Variants in BSPH1 observed in about 807,000 individuals in gnomAD.
The protein encoded by BSPH1 is binder of sperm 1.
In BSPH1, 21 loss-of-function variants were observed where a neutral mutation model predicts 22.5. That is an observed-to-expected ratio of 0.93 (90% CI 0.66 to 1.35). The LOEUF (loss-of-function observed/expected upper bound fraction) is 1.35. BSPH1 is among the 40% of genes most tolerant of loss of function. The pLI, the probability that BSPH1 is intolerant of heterozygous loss-of-function variation, is 0.00. For missense variants in BSPH1, 141 were observed against 154.2 expected (o/e 0.91, Z 0.45); for synonymous variants, 42 against 53.6 (o/e 0.78, Z 0.95).
At chr19:47,989,110 T>A (rs1352915279) in intron 1 of BSPH1, among the ~76,000 whole-genome samples, 1 of 138,426 alleles carries the variant, frequency 7.2e-6, no homozygotes, top group Non-Finnish European at 1.5e-5. Context: ...AAGTCACCGT[T>A]TTATTATTAT....
intron 5 of BSPH1, among the ~76,000 whole-genome samples, chr19:47,969,686 A>G (rs370364213): frequency 1.4e-3 from 54 of 37,424 alleles, no homozygotes; most frequent in South Asian, 1.0e-2. Context: ...GGAGAGGGGG[A>G]GAGAGAGAGA....
intron 5 of BSPH1, among the ~76,000 whole-genome samples, chr19:47,970,188 A>G (rs1969299528): frequency 6.6e-6 from 1 of 152,194 alleles, no homozygotes; most frequent in Non-Finnish European, 1.5e-5. Flanking sequence ...CCTCTGGAGT[A>G]GCTGAGATCA....
At chr19:47,970,830 C>T (rs752921213) in intron 5 of BSPH1, among the ~76,000 whole-genome samples, 6 of 152,152 alleles carry the variant, frequency 3.9e-5, no homozygotes, top group Non-Finnish European at 7.3e-5. Flanking sequence ...TGTGCTTCTG[C>T]CTTTAGTCAT....
At chr19:47,982,205 T>C (rs562833250) in intron 1 of BSPH1, among the ~76,000 whole-genome samples, 9 of 152,358 alleles carry the variant, frequency 5.9e-5, no homozygotes, top group African/African-American at 2.2e-4. Flanking sequence ...ATAATGTAAT[T>C]AGCAGATATC....
At chr19:47,969,738 ATG>A (rs891475711) in intron 5 of BSPH1, among the ~76,000 whole-genome samples, 1 of 98,790 alleles carries the variant, frequency 1.0e-5, no homozygotes, top group Non-Finnish European at 2.1e-5. Flanking sequence ...TTTAGAATGT[ATG>A]TGTGTGTGTG....
intron 5 of BSPH1, among the ~76,000 whole-genome samples, chr19:47,969,749 TGAGA>T (rs1021233631): frequency 9.9e-5 from 14 of 141,516 alleles, no homozygotes; most frequent in East Asian, 2.2e-4. Context: ...TGTGTGTGTG[TGAGA>T]GAGAGAGACT....
At chr19:47,977,537 G>C (rs1195599413) in intron 3 of BSPH1, 33 bp from the exon 4 acceptor site, 2 of 1,549,594 alleles carry the variant, frequency 1.3e-6, no homozygotes, top group Admixed American at 3.9e-5. Context: ...TCTGTTTCTG[G>C]GTGTGTTAGG....
In BSPH1 at chr19:47,979,635, C is replaced by T. The variant is rs529063666; in HGVS notation, c.95-36G>A. The T allele has an allele frequency of 6.6e-4, 674 of 1,015,958 alleles. 3 individuals carry two copies. In the Middle Eastern group the frequency reaches 0.01, roughly 15 times the overall value. The allele number at this position is 1,015,958 out of a possible 1,614,324, so 62.9% of individuals were successfully genotyped here. A position where few individuals can be genotyped will look rare whatever the true frequency, so the allele number is the denominator to read the frequency against. On this transcript the variant is annotated intron_variant, in intron 2 of 5. Transcript: ENST00000344839. The stretch of plus-strand genomic sequence containing the variant: ...AAATTTAGAGCTGACATTTATTTCA[C>T]TATTATTAGGCTTTAAAATGGGCTC...
At chr19:47,979,137 C>A (rs1673281804) in intron 3 of BSPH1, among the ~76,000 whole-genome samples, 1 of 151,944 alleles carries the variant, frequency 6.6e-6, no homozygotes, top group African/African-American at 2.4e-5. Context: ...TTCTCCTCCT[C>A]CTTCTTCTTC....
Position 47,989,114 on chromosome 19 carries a change from TTATTATTATTA to T in BSPH1, c.73+2884_73+2894del, listed in dbSNP as rs1568399768. On this transcript the variant is annotated intron_variant, in intron 1 of 5. Transcript: ENST00000344839. ...GCAAACCTATCAAGTCACCGTTTTA[TTATTATTATTA>T]TTATTATTATTATTATTATTATTAT... Among the ~76,000 whole-genome samples the T allele has an allele frequency of 2.3e-3, 71 of 30,876 alleles. 1 individual carries two copies. The highest frequency in any genetic ancestry group is 3.1e-3 in the Admixed American group (8 of 2,594). 20.3% of individuals were successfully genotyped at this position (30,876 alleles called of 152,430 possible). A position where few individuals can be genotyped will look rare whatever the true frequency, so the allele number is the denominator to read the frequency against.
Position 47,992,122 on chromosome 19 carries a change from CTT to C in BSPH1, c.-43_-42del. 6.6e-7 allele frequency: 1 copy of C among 1,504,390 alleles called. No homozygotes were observed. Among genetic ancestry groups the C allele is most frequent in the Non-Finnish European group, 9.1e-7 (1 of 1,104,532 alleles). 93.2% of individuals were successfully genotyped at this position (1,504,390 alleles called of 1,614,324 possible). A position where few individuals can be genotyped will look rare whatever the true frequency, so the allele number is the denominator to read the frequency against. Reference sequence around the variant, plus strand: ...TCCCGGTATCTCAGATCTTCCTGGTCTTTGTCAGCCAGGGCTCAAGAATCCCC... The same window carrying C: ...TCCCGGTATCTCAGATCTTCCTGGTCTGTCAGCCAGGGCTCAAGAATCCCC... On this transcript the variant is annotated 5_prime_UTR_variant, in exon 1 of 6. Coordinates refer to ENST00000344839, the MANE Select transcript of BSPH1 (RefSeq NM_001128326.2).
intron 5 of BSPH1, among the ~76,000 whole-genome samples, chr19:47,968,979 A>G (rs1969283983): frequency 6.7e-6 from 1 of 149,708 alleles, no homozygotes; most frequent in Non-Finnish European, 1.5e-5. Context: ...AGCCTGGGCG[A>G]CAGAGCGAGA....
chr19:47,982,455 C>A lies in BSPH1; in HGVS notation c.74-1514G>T, dbSNP rs565097210. 2.0e-5 allele frequency among the ~76,000 whole-genome samples: 3 copies of A among 152,274 alleles called. 1 individual carries two copies. In the South Asian group the frequency reaches 6.2e-4, roughly 32 times the overall value. Reference sequence around the variant, plus strand: ...TTTTCAGCTAAATTGTCCTGGCTGCCATTGTGGCTTGAAATTAAAACGTTT... The same window carrying A: ...TTTTCAGCTAAATTGTCCTGGCTGCAATTGTGGCTTGAAATTAAAACGTTT... On this transcript the variant is annotated intron_variant, in intron 1 of 5. Coordinates refer to ENST00000344839, the MANE Select transcript of BSPH1 (RefSeq NM_001128326.2).
At position 47,976,777 on chromosome 19, in the gene BSPH1, C is replaced by T; in HGVS notation, c.334G>A (p.Gly112Arg). The T allele has an allele frequency of 1.9e-6, 3 of 1,551,402 alleles. No individual in the cohort carries two copies. Among genetic ancestry groups the T allele is most frequent in the Non-Finnish European group, 2.6e-6 (3 of 1,146,830 alleles). The change falls in exon 5 of 6, where the codon GGG becomes AGG. Residue 112 changes from glycine to arginine, a missense_variant. Physicochemically the swap from Gly to Arg is moderately radical, Grantham distance 125. Coordinates refer to ENST00000344839, the MANE Select transcript of BSPH1 (RefSeq NM_001128326.2). ...WECTDDGEAF[G>R]KKWCSLTKNF... is the part of the protein sequence containing the mutation. ...TTGGTCAGTGAACACCATTTTTTCC[C>T]AAATGCTTCCCCATCATCAGTACAC...
chr19:47,978,441 T>C (rs939742730), intron 3 of BSPH1, among the ~76,000 whole-genome samples: 1 of 152,192 alleles, frequency 6.6e-6, no homozygotes, highest in Non-Finnish European at 1.5e-5. Flanking sequence ...TTCTGTGATA[T>C]GGATTCAACA....
At chr19:47,976,466 A>G (rs1425555188) in intron 5 of BSPH1, among the ~76,000 whole-genome samples, 1 of 151,818 alleles carries the variant, frequency 6.6e-6, no homozygotes, top group Non-Finnish European at 1.5e-5. Flanking sequence ...CTAATTTTAC[A>G]CAGTTAGCAA....
intron 1 of BSPH1, chr19:47,981,770 T>C (rs1969422279): frequency 1.1e-6 from 1 of 905,820 alleles, no homozygotes; most frequent in South Asian, 5.2e-5. Flanking sequence ...CTGATAGCTT[T>C]ACTTTTTTTT....
intron 1 of BSPH1, among the ~76,000 whole-genome samples, chr19:47,990,684 C>G (rs915213682): frequency 6.6e-6 from 1 of 151,920 alleles, no homozygotes; most frequent in Non-Finnish European, 1.5e-5. Context: ...GATCATTCTT[C>G]TTGGTCATTC....
chr19:47,985,221 A>C (rs546651527), intron 1 of BSPH1, among the ~76,000 whole-genome samples: 13 of 152,304 alleles, frequency 8.5e-5, no homozygotes, highest in Non-Finnish European at 1.6e-4. Context: ...TCTAAAATAA[A>C]ATTTTTTAAA....
Sources: allele counts gnomAD v4.1 joint callset (sites outside exome capture counted in the v4.1 genomes callset), GRCh38; gene constraint gnomAD v4.1.1; transcripts MANE v1.5; gene names NCBI Gene and HGNC (gene_info 2026-07-23, HGNC 2026-07-21).